EMILIN2: variants seen among roughly 807,000 people sequenced by gnomAD.
The protein encoded by EMILIN2 is elastin microfibril interfacer 2, also known as EMILIN-2.
EMILIN2 carries 71 observed loss-of-function variants against 87.1 expected under a neutral mutation model. The ratio of observed to expected loss-of-function variants is 0.82; its 90% confidence interval spans 0.67 to 0.99. The LOEUF (loss-of-function observed/expected upper bound fraction) is 0.99, where lower values mean the gene tolerates loss of function less well. Ranked by LOEUF, EMILIN2 falls within the 50% of genes least tolerant of loss-of-function variation. The pLI is 0.00. For synonymous variants in EMILIN2, 581 were observed against 563.4 expected, an observed-to-expected ratio of 1.03 and a Z score of -0.44; for missense variants, 1,407 against 1,371.8, an observed-to-expected ratio of 1.03 and a Z score of -0.40.
In EMILIN2 at chr18:2,885,015, A is replaced by G. The variant is rs747125091; in HGVS notation, c.309A>G (p.Thr103=). The G allele has an allele frequency of 1.8e-4, 289 of 1,613,682 alleles. 1 individual carries two copies. Among genetic ancestry groups the G allele is most frequent in the Non-Finnish European group, 2.4e-4 (282 of 1,179,872 alleles). Residue 103 remains threonine (T), a synonymous_variant, in exon 3 of 8, where the codon ACA becomes ACG. Coordinates refer to ENST00000254528, the MANE Select transcript of EMILIN2 (RefSeq NM_032048.3). The part of the protein sequence containing the change: ...PRYVTRYKTV[T]QLEWRCCPGF... ...ATGTCACTAGGTATAAGACAGTGAC[A>G]CAGTTGGAATGGAGGTGCTGTCCTG...
At chr18:2,858,438 A>C (rs889639989) in intron 2 of EMILIN2, among the ~76,000 whole-genome samples, 2 of 146,796 alleles carry the variant, frequency 1.4e-5, no homozygotes, top group Non-Finnish European at 3.0e-5. Context: ...GAGTTACTTC[A>C]TTTAGAATAA....
At chr18:2,864,577 G>T (rs2076677150) in intron 2 of EMILIN2, among the ~76,000 whole-genome samples, 1 of 152,206 alleles carries the variant, frequency 6.6e-6, no homozygotes, top group African/African-American at 2.4e-5. Context: ...AGTTTCTGCT[G>T]AGAGATCAGC....
rs1399488027 is a variant in EMILIN2, at chr18:2,896,110, C to T, written c.2359+3624C>T. ...AAATAGATCTAAGTCTCTTTTATATCCTTCTGTTAAGGGCATATATATATA... is the reference window on the plus strand; with the variant it reads ...AAATAGATCTAAGTCTCTTTTATATTCTTCTGTTAAGGGCATATATATATA... On this transcript the variant is annotated intron_variant, in intron 4 of 7. Coordinates refer to ENST00000254528, the MANE Select transcript of EMILIN2 (RefSeq NM_032048.3). 4.6e-5 allele frequency among the ~76,000 whole-genome samples: 7 copies of T among 151,904 alleles called. No individual in the cohort carries two copies. In the East Asian group the frequency reaches 1.2e-3, roughly 25 times the overall value.
At position 2,847,391 on chromosome 18, in the gene EMILIN2, C is replaced by A; in HGVS notation, c.134+69C>A. The A allele has an allele frequency of 8.0e-7, 1 of 1,245,820 alleles. No individual in the cohort carries two copies. The highest frequency in any genetic ancestry group is 4.4e-5 in the Admixed American group (1 of 22,838). The allele number at this position is 1,245,820 out of a possible 1,614,324, so 77.2% of individuals were successfully genotyped here. A position where few individuals can be genotyped will look rare whatever the true frequency, so the allele number is the denominator to read the frequency against. ...CCCGGCCCCCAGTTGAGCCCCAGAGCTGCCCTGCCAAAGACGACGAGCGGC... is the reference window on the plus strand; with the variant it reads ...CCCGGCCCCCAGTTGAGCCCCAGAGATGCCCTGCCAAAGACGACGAGCGGC... On this transcript the variant is annotated intron_variant, in intron 1 of 7. Transcript: ENST00000254528. The surrounding 1 kb of genome is among the most constrained non-coding windows in gnomAD (Gnocchi z 4.5).
chr18:2,889,040 GTC>G (rs1458828418), intron 3 of EMILIN2, among the ~76,000 whole-genome samples: 2 of 150,224 alleles, frequency 1.3e-5, no homozygotes, highest in Non-Finnish European at 3.0e-5. Context: ...CACTTTATAT[GTC>G]TCACTATAGT....
At chr18:2,857,581 G>T (rs1449727695) in intron 2 of EMILIN2, among the ~76,000 whole-genome samples, 1 of 152,196 alleles carries the variant, frequency 6.6e-6, no homozygotes, top group African/African-American at 2.4e-5. Flanking sequence ...GGGGGCGATT[G>T]CGACAGAACT....
chr18:2,882,088 C>T (rs2076779682), intron 2 of EMILIN2, among the ~76,000 whole-genome samples: 1 of 152,140 alleles, frequency 6.6e-6, no homozygotes, highest in Non-Finnish European at 1.5e-5. Flanking sequence ...CTGCCCCTTC[C>T]GGGCTGTTTG....
intron 2 of EMILIN2, among the ~76,000 whole-genome samples, chr18:2,874,433 A>C (rs9955018): frequency 6.6e-6 from 1 of 152,016 alleles, no homozygotes; most frequent in Admixed American, 6.6e-5. Flanking sequence ...ATGCGGTGAC[A>C]TACAGAATGG....
intron 2 of EMILIN2, among the ~76,000 whole-genome samples, chr18:2,861,529 G>A (rs936813289): frequency 6.6e-6 from 1 of 152,218 alleles, no homozygotes; most frequent in Non-Finnish European, 1.5e-5. Flanking sequence ...GTTTGTCAAA[G>A]ATCAGATAGT....
At chr18:2,846,884 G>C (rs1299909987), upstream of EMILIN2, 15 of 988,384 alleles carry the variant, frequency 1.5e-5, no homozygotes, top group Non-Finnish European at 1.8e-5. This position sits in a 1 kb window ranked among gnomAD's most constrained non-coding sequence, Gnocchi z 5.3. Context: ...GACTGGAGAC[G>C]GGGAGACTTG....
At chr18:2,870,395 T>A (rs947570204) in intron 2 of EMILIN2, among the ~76,000 whole-genome samples, 2 of 152,258 alleles carry the variant, frequency 1.3e-5, no homozygotes, top group African/African-American at 4.8e-5. Flanking sequence ...ATTTGAAGAC[T>A]ATTTGTTTCA....
intron 2 of EMILIN2, among the ~76,000 whole-genome samples, chr18:2,864,563 G>A (rs2143975938): frequency 6.6e-6 from 1 of 152,290 alleles, no homozygotes; most frequent in East Asian, 1.9e-4. Flanking sequence ...CTCTCTTCTT[G>A]TAGAGTTTCT....
At chr18:2,882,392 G>T (rs563228827) in intron 2 of EMILIN2, among the ~76,000 whole-genome samples, 1 of 152,282 alleles carries the variant, frequency 6.6e-6, no homozygotes, top group African/African-American at 2.4e-5. Context: ...AGACCCAGGC[G>T]TGGGTATTTT....
intron 2 of EMILIN2, among the ~76,000 whole-genome samples, chr18:2,871,794 G>C (rs2076721268): frequency 6.6e-6 from 1 of 152,100 alleles, no homozygotes; most frequent in Non-Finnish European, 1.5e-5. Context: ...CCTTCATGTG[G>C]GCAATGGAGT....
At chr18:2,882,021 C>T (rs2076779255) in intron 2 of EMILIN2, among the ~76,000 whole-genome samples, 1 of 152,224 alleles carries the variant, frequency 6.6e-6, no homozygotes. Context: ...CAATGTAAGG[C>T]ATCGCCTGAG....
At chr18:2,852,896 G>GTC (rs1395378291) in intron 2 of EMILIN2, among the ~76,000 whole-genome samples, 2 of 152,182 alleles carry the variant, frequency 1.3e-5, no homozygotes, top group African/African-American at 4.8e-5. Flanking sequence ...CTCTCTCTGT[G>GTC]TCTCTCTCTA....
intron 2 of EMILIN2, among the ~76,000 whole-genome samples, chr18:2,851,384 A>G (rs470974): frequency 0.34 from 51,563 of 152,014 alleles, 9,229 homozygotes; most frequent in African/African-American, 0.45. Context: ...GCAGTGAGCT[A>G]TGATCACGTC....
In EMILIN2 at chr18:2,848,419, T is replaced by G. The variant is rs188863340; in HGVS notation, c.257+488T>G. 6.6e-5 allele frequency among the ~76,000 whole-genome samples: 10 copies of G among 152,126 alleles called. No homozygotes were observed. The highest frequency in any genetic ancestry group is 2.4e-4 in the African/African-American group (10 of 41,490). On this transcript the variant is annotated intron_variant, in intron 2 of 7. Coordinates refer to ENST00000254528, the MANE Select transcript of EMILIN2 (RefSeq NM_032048.3). This position sits in a 1 kb window ranked among gnomAD's most constrained non-coding sequence, Gnocchi z 4.1. ...GTCCCCATAAAACGGAATCTTCCAG[T>G]TTTGTAGATGTCTAAGCTAAAACCT... is the stretch of plus-strand genomic sequence containing the variant.
rs769495269 is a variant in EMILIN2, at chr18:2,891,056, C to G, written c.929C>G (p.Thr310Ser). 1.9e-6 allele frequency: 3 copies of G among 1,614,070 alleles called. No homozygotes were observed. The highest frequency in any genetic ancestry group is 1.1e-5 in the South Asian group (1 of 91,092). The change falls in exon 4 of 8, where the codon ACC (threonine) becomes AGC (serine). Residue 310 changes from threonine (T) to serine (S), a missense_variant. Thr to Ser is a moderately conservative substitution (Grantham distance 58, BLOSUM62 1). Transcript: ENST00000254528. The surrounding 1 kb of genome is among the most constrained non-coding windows in gnomAD (Gnocchi z 4.6). The part of the protein sequence containing the change: ...AAQGPTVTMT[T>S]NELYQAYVDS... ...CAGGGCCCGACGGTGACCATGACAA[C>G]CAACGAACTCTACCAAGCCTATGTG... is the stretch of plus-strand genomic sequence containing the variant.
Sources: allele counts gnomAD v4.1 joint callset (sites outside exome capture counted in the v4.1 genomes callset), GRCh38; gene constraint gnomAD v4.1.1; non-coding constraint Gnocchi (gnomAD v3.1); transcripts MANE v1.5; gene names NCBI Gene and HGNC (gene_info 2026-07-23, HGNC 2026-07-21).